Variants in RYR2 observed in about 807,000 individuals in gnomAD.
RYR2 encodes the protein cardiac muscle ryanodine receptor-calcium release channel.
Under a neutral mutation model 601.1 loss-of-function variants are expected in RYR2, and 227 were observed. That is an observed-to-expected ratio of 0.38 (90% CI 0.34 to 0.42). The LOEUF (loss-of-function observed/expected upper bound fraction) is 0.42, where lower values mean the gene tolerates loss of function less well. RYR2 is among the 10% of genes least tolerant of loss of function. The pLI, the probability that RYR2 is intolerant of heterozygous loss-of-function variation, is 1.00. For synonymous variants in RYR2, 2,223 were observed against 2,175.1 expected (o/e 1.02, Z -0.61); for missense variants, 4,646 against 6,156.5 (o/e 0.75, Z 8.21).
At chr1:237,754,750 C>G (rs1053007751) in intron 80 of RYR2, among the ~76,000 whole-genome samples, 1 of 152,212 alleles carries the variant, frequency 6.6e-6, no homozygotes, top group Non-Finnish European at 1.5e-5. Context: ...CAGTTTTAAA[C>G]AACACCTGAA....
chr1:237,120,534 T>C (rs761168444), intron 1 of RYR2, among the ~76,000 whole-genome samples: 2 of 152,166 alleles, frequency 1.3e-5, no homozygotes, highest in Non-Finnish European at 2.9e-5. Context: ...AGAGTCAAGA[T>C]GGGTATGATC....
intron 32 of RYR2, among the ~76,000 whole-genome samples, chr1:237,592,818 C>T (rs1026475266): frequency 1.3e-4 from 19 of 151,650 alleles, no homozygotes; most frequent in African/African-American, 2.4e-4. Flanking sequence ...GTCAGGAGTT[C>T]GAGAACAGCC....
chr1:237,451,316 A>G (rs1658081122), intron 14 of RYR2, among the ~76,000 whole-genome samples: 1 of 152,182 alleles, frequency 6.6e-6, no homozygotes, highest in Admixed American at 6.5e-5. Flanking sequence ...CACACCTGTA[A>G]TCGTAGCACT....
rs1243043710 is a variant in RYR2 at position 237,700,468 on chromosome 1, G to T, written c.9367+1G>T. 1 of 1,440,768 alleles carries T rather than the reference G, an allele frequency of 6.9e-7. No individual in the cohort carries two copies. The allele number at this position is 1,440,768 out of a possible 1,614,324, so 89.2% of individuals were successfully genotyped here. On this transcript the variant is annotated splice_donor_variant, in intron 65 of 104. Transcript: ENST00000366574. LOFTEE classifies it high-confidence loss of function. ...CATCAGTTCGGAGAAGACCTAATAT[G>T]TATGTAAATTTATATCTTGGAGTTT...
At chr1:237,771,371 A>G (rs1573885159) in intron 85 of RYR2, among the ~76,000 whole-genome samples, 1 of 151,600 alleles carries the variant, frequency 6.6e-6, no homozygotes, top group African/African-American at 2.4e-5. Context: ...TGATTGCCCC[A>G]CTGCACTGGA....
chr1:237,548,942 C>T (rs1278642271), intron 26 of RYR2, among the ~76,000 whole-genome samples: 7 of 152,192 alleles, frequency 4.6e-5, no homozygotes, highest in Non-Finnish European at 8.8e-5. Context: ...CCCTTATTCA[C>T]AACCCCTGGG....
chr1:237,334,719 C>G (rs933402268), intron 3 of RYR2, among the ~76,000 whole-genome samples: 3 of 152,126 alleles, frequency 2.0e-5, no homozygotes, highest in African/African-American at 7.2e-5. Flanking sequence ...TTCTGCTGTT[C>G]TTTCTATTTC....
chr1:237,102,986 TC>T (rs1335860432), intron 1 of RYR2, among the ~76,000 whole-genome samples: 1 of 152,174 alleles, frequency 6.6e-6, no homozygotes, highest in African/African-American at 2.4e-5. Flanking sequence ...GCAACAAATC[TC>T]CGAACAGTTT....
chr1:237,400,764 G>A (rs1703280750), intron 10 of RYR2, among the ~76,000 whole-genome samples: 1 of 152,038 alleles, frequency 6.6e-6, no homozygotes, highest in Admixed American at 6.6e-5. Context: ...AGTAGAGAGT[G>A]AACAAAGCAG....
intron 24 of RYR2, among the ~76,000 whole-genome samples, chr1:237,529,502 T>C (rs1667906685): frequency 6.6e-6 from 1 of 152,144 alleles, no homozygotes; most frequent in African/African-American, 2.4e-5. Context: ...TACGTATATG[T>C]ATATACATAT....
intron 21 of RYR2, among the ~76,000 whole-genome samples, chr1:237,502,602 T>C (rs1376676892): frequency 1.3e-5 from 2 of 152,084 alleles, no homozygotes; most frequent in African/African-American, 4.8e-5. Context: ...CAGTTCACAA[T>C]AGGGTTCGCA....
At chr1:237,761,152 G>A in intron 84 of RYR2, 124 bp downstream of exon 84, 2 of 669,014 alleles carry the variant, frequency 3.0e-6, no homozygotes, top group Non-Finnish European at 2.6e-6. Flanking sequence ...ATGCTTACAT[G>A]ACTCATTTCA....
intron 1 of RYR2, among the ~76,000 whole-genome samples, chr1:237,127,427 C>T (rs1294532167): frequency 1.3e-5 from 2 of 150,698 alleles, no homozygotes; most frequent in Non-Finnish European, 3.0e-5. Context: ...ACCCCCCCAC[C>T]TCCCTCCCAG....
chr1:237,401,401 A>C (rs1398396128), intron 10 of RYR2, among the ~76,000 whole-genome samples: 1 of 152,194 alleles, frequency 6.6e-6, no homozygotes. Flanking sequence ...CCAACTGGCT[A>C]TACATTTAGA....
In RYR2 at chr1:237,721,335, A is replaced by G. The variant is rs111577304; in HGVS notation, c.10555-1793A>G. On this transcript the variant is annotated intron_variant, in intron 73 of 104. Coordinates refer to ENST00000366574, the MANE Select transcript of RYR2 (RefSeq NM_001035.3). ...TTTACAAATCATTTATCCCTATACA[A>G]AGCTCTATCTGTCTGTGTTTGCCTG... Among the ~76,000 whole-genome samples the G allele has an allele frequency of 6.8e-3, 1,036 of 152,274 alleles. 9 individuals carry two copies. Among genetic ancestry groups the G allele is most frequent in the African/African-American group, 0.019 (771 of 41,546 alleles).
At chr1:237,225,296 T>G (rs1310606191) in intron 1 of RYR2, among the ~76,000 whole-genome samples, 1 of 152,162 alleles carries the variant, frequency 6.6e-6, no homozygotes, top group African/African-American at 2.4e-5. Context: ...CCCACCTGTA[T>G]TCGTCCGTTT....
At chr1:237,816,609 AAC>A (rs1188879574) in intron 100 of RYR2, among the ~76,000 whole-genome samples, 1 of 151,910 alleles carries the variant, frequency 6.6e-6, no homozygotes. Flanking sequence ...GAATCGCTTG[AAC>A]CCAGGAGGCG....
At chr1:237,434,039 A>C (rs1707106853) in intron 12 of RYR2, among the ~76,000 whole-genome samples, 1 of 152,198 alleles carries the variant, frequency 6.6e-6, no homozygotes, top group African/African-American at 2.4e-5. Context: ...ATCTGGGTTT[A>C]GGAGTTTTGG....
chr1:237,789,434 T>C (rs1658072516), intron 92 of RYR2, among the ~76,000 whole-genome samples: 2 of 145,090 alleles, frequency 1.4e-5, no homozygotes, highest in Admixed American at 1.5e-4. Context: ...TAATACAGAG[T>C]TCACTGAACA....
Sources: allele counts gnomAD v4.1 joint callset (sites outside exome capture counted in the v4.1 genomes callset), GRCh38; gene constraint gnomAD v4.1.1; transcripts MANE v1.5; gene names NCBI Gene and HGNC (gene_info 2026-07-23, HGNC 2026-07-21).